The following MAGEC3 variants were observed in gnomAD, a reference collection of about 807,000 sequenced individuals.
MAGEC3 encodes melanoma-associated antigen C3.
Under a neutral mutation model 35.3 loss-of-function variants are expected in MAGEC3, and 34 were observed. That is an observed-to-expected ratio of 0.96 (90% CI 0.73 to 1.28). The LOEUF (loss-of-function observed/expected upper bound fraction) is 1.28, where lower values mean the gene tolerates loss of function less well. Ranked by LOEUF, MAGEC3 falls within the 50% of genes most tolerant of loss-of-function variation. The pLI, the probability that MAGEC3 is intolerant of heterozygous loss-of-function variation, is 0.00. For missense variants in MAGEC3, 561 were observed against 483.6 expected, an observed-to-expected ratio of 1.16 and a Z score of -1.50; for synonymous variants, 202 against 185.6, an observed-to-expected ratio of 1.09 and a Z score of -0.72.
chrX:141,850,032 A>T (rs1359463978), intron 1 of MAGEC3, among the ~76,000 whole-genome samples: 2 of 111,786 alleles, frequency 1.8e-5, no homozygotes, highest in Non-Finnish European at 3.8e-5. Flanking sequence ...ATCATGGAAT[A>T]CTATGCAGCT....
At chrX:141,865,206 T>A (rs73577976) in intron 1 of MAGEC3, among the ~76,000 whole-genome samples, 1 of 111,587 alleles carries the variant, frequency 9.0e-6, no homozygotes, top group African/African-American at 3.3e-5. Flanking sequence ...TTCTCAAAAC[T>A]AATTTTTAAA....
intron 4 of MAGEC3, chrX:141,894,555 G>C: frequency 1.4e-6 from 1 of 736,821 alleles, no homozygotes; most frequent in South Asian, 2.7e-5. Flanking sequence ...AACTGTTGCT[G>C]TCGGGACAGG....
At chrX:141,886,560 T>C (rs2018003997) in intron 4 of MAGEC3, among the ~76,000 whole-genome samples, 1 of 111,016 alleles carries the variant, frequency 9.0e-6, no homozygotes, top group African/African-American at 3.3e-5. Context: ...CAAAATGACA[T>C]TTTGGTCCTC....
rs191335887 is a variant in MAGEC3, at chrX:141,848,104, C to T, written c.123+9666C>T. Among the ~76,000 whole-genome samples the T allele has an allele frequency of 9.8e-4, 107 of 109,007 alleles. 1 individual carries two copies. The highest frequency in any genetic ancestry group is 3.1e-3 in the African/African-American group (92 of 30,128). The allele number at this position is 109,007 out of a possible 115,157, so 94.7% of individuals were successfully genotyped here. A position where few individuals can be genotyped will look rare whatever the true frequency, so the allele number is the denominator to read the frequency against. ...GTATGTATGTATAAATATATATACA[C>T]GCATCTATATGTATACATATGTATA... On this transcript the variant is annotated intron_variant, in intron 1 of 7. Transcript: ENST00000298296.
chrX:141,856,548 T>G (rs1228961743), intron 1 of MAGEC3, among the ~76,000 whole-genome samples: 1 of 106,248 alleles, frequency 9.4e-6, no homozygotes, highest in East Asian at 2.9e-4. Context: ...CAATGTGCCA[T>G]AATCAAATAA....
rs765537649 is a variant in MAGEC3 at position 141,895,264 on chromosome X, G to A, written c.910-5G>A. 5 of 1,203,933 alleles carry A rather than the reference G, an allele frequency of 4.2e-6. No homozygotes were observed. In the African/African-American group the frequency reaches 8.9e-5, roughly 21 times the overall value. ...GGCCCCACCCCACGCTGCCTCTGCT[G>A]TCAGCCCTGGTCAGCCTTGGCAGGG... On this transcript the variant is annotated splice_region_variant and splice_polypyrimidine_tract_variant and intron_variant, in intron 4 of 7. Transcript: ENST00000298296.
intron 1 of MAGEC3, among the ~76,000 whole-genome samples, chrX:141,845,484 G>A (rs1316304934): frequency 3.6e-5 from 4 of 110,857 alleles, no homozygotes; most frequent in East Asian, 2.8e-4. Context: ...AGCTCCAGTC[G>A]TATTTTTAAC....
At chrX:141,893,251 C>G (rs2018056215) in intron 4 of MAGEC3, among the ~76,000 whole-genome samples, 1 of 111,254 alleles carries the variant, frequency 9.0e-6, no homozygotes. Flanking sequence ...GTAGGACAGA[C>G]CTGGAGGAAT....
At chrX:141,885,351 A>G (rs972316339) in intron 4 of MAGEC3, among the ~76,000 whole-genome samples, 20 of 110,459 alleles carry the variant, frequency 1.8e-4, no homozygotes, top group African/African-American at 5.9e-4. Flanking sequence ...TCTGCATTTA[A>G]TGTTGCAGCT....
chrX:141,878,603 C>G lies in MAGEC3; in HGVS notation c.259-572C>G, dbSNP rs527842411. ...AGGAGAAGGCTCTGCCTAGGTGAGT[C>G]TCACTTCAGATCATGAGAGGTGAAG... is the stretch of plus-strand genomic sequence containing the variant. On this transcript the variant is annotated intron_variant, in intron 2 of 7. Transcript: ENST00000298296. Among the ~76,000 whole-genome samples, 3 of 111,964 alleles carry G rather than the reference C, an allele frequency of 2.7e-5. No homozygotes were observed. The South Asian group carries it at 1.1e-3, about 42-fold the overall frequency.
At chrX:141,850,394 AG>A in intron 1 of MAGEC3, among the ~76,000 whole-genome samples, 1 of 111,529 alleles carries the variant, frequency 9.0e-6, no homozygotes, top group Non-Finnish European at 1.9e-5. Context: ...TTTTAAAAAA[AG>A]GTTCACTTGA....
chrX:141,888,910 G>A (rs1285755810), intron 4 of MAGEC3, among the ~76,000 whole-genome samples: 1 of 112,400 alleles, frequency 8.9e-6, no homozygotes, highest in African/African-American at 3.2e-5. Context: ...GCAGCAGTTT[G>A]TCTTCACTGG....
chrX:141,865,514 T>C lies in MAGEC3; in HGVS notation c.167T>C (p.Leu56Pro), dbSNP rs750523469. ...GATAAGGACTATTCTGCCTTTCATC[T>C]TGGGCATCTGAGGGAGGTGAGGCTT... ...ATDKDYSAFH[L>P]GHLREVRLFL... Residue 56 changes from leucine to proline, a missense_variant, in exon 2 of 8, where the codon CTT (leucine) becomes CCT (proline). Transcript: ENST00000298296. 3 of 1,209,083 alleles carry C rather than the reference T, an allele frequency of 2.5e-6. No individual in the cohort carries two copies. The highest frequency in any genetic ancestry group is 3.4e-6 in the Non-Finnish European group (3 of 894,884).
At position 141,895,495 on chromosome X, in the gene MAGEC3, CCA is replaced by C. The variant is rs967836964; in HGVS notation, c.1062_1063del (p.His354GlnfsTer23). 106 of 1,208,408 alleles carry C rather than the reference CCA, an allele frequency of 8.8e-5. No homozygotes were observed. The highest frequency in any genetic ancestry group is 1.2e-4 in the Non-Finnish European group (103 of 894,579). On this transcript the variant is annotated frameshift_variant, in exon 6 of 8. Coordinates refer to ENST00000298296, the MANE Select transcript of MAGEC3 (RefSeq NM_138702.1). LOFTEE classifies it high-confidence loss of function. Reference sequence around the variant, plus strand: ...CCTGCGCTGCCATAGGACTTGCAGGCCACAGACAGGAAGATGGCCGCCGAGGG... The same window carrying C: ...CCTGCGCTGCCATAGGACTTGCAGGCCAGACAGGAAGATGGCCGCCGAGGG... The part of the protein sequence containing the change: ...DLANPQGLAG[H>X]RQEDGRRGLT...
intron 1 of MAGEC3, among the ~76,000 whole-genome samples, chrX:141,859,113 C>T (rs754086608): frequency 2.8e-5 from 3 of 108,084 alleles, no homozygotes; most frequent in African/African-American, 3.4e-5. Flanking sequence ...AAGACATCCT[C>T]GGGAACCCTA....
intron 1 of MAGEC3, among the ~76,000 whole-genome samples, chrX:141,864,111 C>T (rs1013034809): frequency 1.8e-5 from 2 of 110,129 alleles, no homozygotes; most frequent in Non-Finnish European, 3.8e-5. Flanking sequence ...ATTTGTTAAT[C>T]CATTCACTTA....
chrX:141,896,778 T>A, intron 6 of MAGEC3, 104 bp from the exon 7 acceptor site: 1 of 1,206,513 alleles, frequency 8.3e-7, no homozygotes, highest in Non-Finnish European at 1.1e-6. Context: ...CCTCCTCCAC[T>A]TCCTCTTCCT....
chrX:141,895,672 T>TC, intron 6 of MAGEC3, 113 bp downstream of exon 6: 1 of 609,854 alleles, frequency 1.6e-6, no homozygotes, highest in East Asian at 6.2e-5. Context: ...TCAGCCCTCG[T>TC]AGAGCTCCTC....
chrX:141,842,050 A>C (rs1406769793), intron 1 of MAGEC3, among the ~76,000 whole-genome samples: 2 of 111,929 alleles, frequency 1.8e-5, no homozygotes, highest in African/African-American at 6.5e-5. Flanking sequence ...GTGTATGAAT[A>C]TTTAAATTGC....
Sources: allele counts gnomAD v4.1 joint callset (sites outside exome capture counted in the v4.1 genomes callset), GRCh38; gene constraint gnomAD v4.1.1; transcripts MANE v1.5; gene names NCBI Gene and HGNC (gene_info 2026-07-23, HGNC 2026-07-21).